The following SLC35F1 variants were observed in gnomAD, a reference collection of about 807,000 sequenced individuals.
SLC35F1 encodes the protein solute carrier family 35 member F1, also known as chromosome 6 open reading frame 169.
Under a neutral mutation model 48.7 loss-of-function variants are expected in SLC35F1, and 14 were observed. The observed-to-expected ratio is 0.29, with a 90% CI of 0.19 to 0.45. The LOEUF (loss-of-function observed/expected upper bound fraction) is 0.45. Among genes scored for constraint, SLC35F1 ranks in the 20% least tolerant of loss-of-function variants. The pLI, the probability that SLC35F1 is intolerant of heterozygous loss-of-function variation, is 1.00. For missense variants in SLC35F1, 404 were observed against 500.0 expected (o/e 0.81, Z 1.83); for synonymous variants, 190 against 202.2 (o/e 0.94, Z 0.51).
chr6:118,172,928 T>C (rs1774428022), intron 2 of SLC35F1, among the ~76,000 whole-genome samples: 1 of 152,112 alleles, frequency 6.6e-6, no homozygotes, highest in African/African-American at 2.4e-5. Flanking sequence ...TGGATGAACA[T>C]TGACAAAGAG....
chr6:118,235,477 C>T, intron 2 of SLC35F1, 32 bp from the exon 3 acceptor site: 1 of 1,601,826 alleles, frequency 6.2e-7, no homozygotes, highest in Non-Finnish European at 8.5e-7. Context: ...TTTCAGGAAC[C>T]TAACCCATTT....
At chr6:118,313,564 A>G (rs1012181344) in intron 7 of SLC35F1, among the ~76,000 whole-genome samples, 13 of 152,224 alleles carry the variant, frequency 8.5e-5, no homozygotes, top group Non-Finnish European at 1.8e-4. Context: ...GAATTGGATT[A>G]AGGTGAAATG....
chr6:118,276,526 A>G (rs1582765604), intron 5 of SLC35F1, among the ~76,000 whole-genome samples: 1 of 151,204 alleles, frequency 6.6e-6, no homozygotes, highest in East Asian at 1.9e-4. Context: ...GTCTTGAGAT[A>G]CTGGTGAAAA....
At chr6:118,244,177 A>T (rs1231623396) in intron 3 of SLC35F1, among the ~76,000 whole-genome samples, 1 of 152,192 alleles carries the variant, frequency 6.6e-6, no homozygotes, top group African/African-American at 2.4e-5. Flanking sequence ...TACCATACCC[A>T]TTCCTACACC....
At chr6:117,961,028 T>G (rs1474161188) in intron 1 of SLC35F1, among the ~76,000 whole-genome samples, 1 of 152,126 alleles carries the variant, frequency 6.6e-6, no homozygotes, top group Non-Finnish European at 1.5e-5. Context: ...CCTTCAGGTC[T>G]GTATGCAAAA....
At chr6:118,134,415 A>G (rs1389613015) in intron 1 of SLC35F1, among the ~76,000 whole-genome samples, 2 of 152,208 alleles carry the variant, frequency 1.3e-5, no homozygotes, top group Non-Finnish European at 2.9e-5. Context: ...GGCTGCTTCC[A>G]GCTCTGATTC....
chr6:117,996,424 G>A (rs1776991979), intron 1 of SLC35F1, among the ~76,000 whole-genome samples: 1 of 152,196 alleles, frequency 6.6e-6, no homozygotes, highest in Admixed American at 6.5e-5. Flanking sequence ...TTTGAAGAGA[G>A]CAGTGCTTCT....
chr6:118,161,833 G>A (rs1361110152), intron 2 of SLC35F1, among the ~76,000 whole-genome samples: 1 of 152,198 alleles, frequency 6.6e-6, no homozygotes, highest in Non-Finnish European at 1.5e-5. Flanking sequence ...GAAATTGGTA[G>A]AGAAAGTCAC....
intron 1 of SLC35F1, among the ~76,000 whole-genome samples, chr6:117,952,713 A>T (rs1776380263): frequency 6.6e-6 from 1 of 152,188 alleles, no homozygotes; most frequent in African/African-American, 2.4e-5. Flanking sequence ...CAAATCAAAA[A>T]CTTTACCAAG....
intron 1 of SLC35F1, among the ~76,000 whole-genome samples, chr6:118,118,231 ACT>A (rs1458776352): frequency 6.6e-6 from 1 of 152,176 alleles, no homozygotes; most frequent in Non-Finnish European, 1.5e-5. Flanking sequence ...GTTAATACTC[ACT>A]GTCATCAGTC....
At chr6:118,275,753 C>A in intron 5 of SLC35F1, 138 bp downstream of exon 5, 1 of 623,040 alleles carries the variant, frequency 1.6e-6, no homozygotes, top group Non-Finnish European at 2.6e-6. Context: ...TGTAATCTGC[C>A]AACTCAATAT....
At chr6:117,913,364 T>C (rs935711585) in intron 1 of SLC35F1, among the ~76,000 whole-genome samples, 1 of 152,234 alleles carries the variant, frequency 6.6e-6, no homozygotes, top group African/African-American at 2.4e-5. Flanking sequence ...AATACACACA[T>C]GTGACGAAAC....
chr6:118,034,400 A>G (rs1248462708), intron 1 of SLC35F1, among the ~76,000 whole-genome samples: 2 of 152,002 alleles, frequency 1.3e-5, no homozygotes, highest in Non-Finnish European at 1.5e-5. Flanking sequence ...TCTACTGAAA[A>G]TACAAAAAGT....
At chr6:117,931,751 C>CT (rs1344674338) in intron 1 of SLC35F1, among the ~76,000 whole-genome samples, 4 of 152,182 alleles carry the variant, frequency 2.6e-5, no homozygotes, top group African/African-American at 9.7e-5. Flanking sequence ...GCAGAGAGGT[C>CT]TTTAGACTTG....
chr6:117,908,875 A>G (rs1446681929), intron 1 of SLC35F1, among the ~76,000 whole-genome samples: 1 of 152,282 alleles, frequency 6.6e-6, no homozygotes, highest in East Asian at 1.9e-4. Context: ...CTCTGTTCAT[A>G]CAGGTTTCTG....
intron 1 of SLC35F1, among the ~76,000 whole-genome samples, chr6:118,092,427 C>T (rs1453955968): frequency 2.6e-5 from 4 of 152,188 alleles, no homozygotes; most frequent in Non-Finnish European, 4.4e-5. Flanking sequence ...GGTGCATGGG[C>T]AAGGCCCTCA....
At chr6:118,011,456 T>C (rs796481732) in intron 1 of SLC35F1, among the ~76,000 whole-genome samples, 3 of 152,060 alleles carry the variant, frequency 2.0e-5, no homozygotes, top group African/African-American at 2.4e-5. Flanking sequence ...TCATTTACTA[T>C]CACAAGAACA....
intron 7 of SLC35F1, among the ~76,000 whole-genome samples, chr6:118,285,622 C>T (rs1298569583): frequency 6.6e-6 from 1 of 152,112 alleles, no homozygotes; most frequent in African/African-American, 2.4e-5. Flanking sequence ...AGCATTCAGC[C>T]CAGAAGCTAC....
chr6:118,221,379 G>T (rs1447370761), intron 2 of SLC35F1, among the ~76,000 whole-genome samples: 1 of 152,150 alleles, frequency 6.6e-6, no homozygotes, highest in Non-Finnish European at 1.5e-5. Context: ...TAGCTATTAT[G>T]AGCTTGTCAA....
Sources: allele counts gnomAD v4.1 joint callset (sites outside exome capture counted in the v4.1 genomes callset), GRCh38; gene constraint gnomAD v4.1.1; transcripts MANE v1.5; gene names NCBI Gene and HGNC (gene_info 2026-07-23, HGNC 2026-07-21).